PUS10: variants seen among roughly 807,000 people sequenced by gnomAD.
The protein encoded by PUS10 is pseudouridine synthase 10.
Under a neutral mutation model 75.0 loss-of-function variants are expected in PUS10, and 59 were observed. The ratio of observed to expected loss-of-function variants is 0.79; its 90% confidence interval spans 0.64 to 0.98. The LOEUF is 0.98. PUS10 is among the 50% of genes least tolerant of loss of function. The pLI is 0.00. For missense variants in PUS10, 650 were observed against 614.4 expected (o/e 1.06, Z -0.61); for synonymous variants, 219 against 211.6 (o/e 1.03, Z -0.30).
At chr2:61,008,294 C>A (rs1432988050) in intron 3 of PUS10, among the ~76,000 whole-genome samples, 1 of 152,110 alleles carries the variant, frequency 6.6e-6, no homozygotes. Flanking sequence ...GAGGCCAAGG[C>A]AGGCGAATCA....
chr2:60,985,665 T>C (rs1677675676), intron 4 of PUS10, among the ~76,000 whole-genome samples: 1 of 152,108 alleles, frequency 6.6e-6, no homozygotes, highest in Non-Finnish European at 1.5e-5. Context: ...CACAGCCAGC[T>C]AATTTTTGTA....
At chr2:60,963,986 T>C (rs745999812) in intron 8 of PUS10, among the ~76,000 whole-genome samples, 15 of 152,246 alleles carry the variant, frequency 9.9e-5, no homozygotes, top group Non-Finnish European at 1.8e-4. Context: ...GCTTCCCAAC[T>C]GGCATAGCAA....
At chr2:61,008,647 G>A in intron 3 of PUS10, 114 bp downstream of exon 3, 1 of 878,016 alleles carries the variant, frequency 1.1e-6, no homozygotes, top group Non-Finnish European at 1.7e-6. Context: ...GCAACAGAAT[G>A]AGACCCAAAA....
chr2:60,945,164 A>G, intron 16 of PUS10, 56 bp from the exon 17 acceptor site: 1 of 1,066,908 alleles, frequency 9.4e-7, no homozygotes, highest in South Asian at 1.3e-5. Flanking sequence ...CTATTTGGTA[A>G]GATTTGACAG....
chr2:60,943,481 A>C (rs1674742425), intron 17 of PUS10, among the ~76,000 whole-genome samples: 1 of 152,014 alleles, frequency 6.6e-6, no homozygotes, highest in Non-Finnish European at 1.5e-5. Flanking sequence ...TAAAAAAAAA[A>C]AAAAACCCAC....
intron 4 of PUS10, among the ~76,000 whole-genome samples, chr2:60,979,120 TACACATACACATACACA>T (rs1223144924): frequency 2.0e-5 from 1 of 50,704 alleles, no homozygotes; most frequent in Admixed American, 1.9e-4. Flanking sequence ...CACATACACA[TACACATACACATACACA>T]TACACATACA....
intron 4 of PUS10, among the ~76,000 whole-genome samples, chr2:60,993,460 AAAAAAAAG>A (rs1305219529): frequency 3.3e-5 from 5 of 152,102 alleles, no homozygotes; most frequent in Non-Finnish European, 5.9e-5. Context: ...CTGTCTCAAA[AAAAAAAAG>A]AAAAAAAGAA....
At chr2:60,970,015 C>T (rs1034150462) in intron 5 of PUS10, among the ~76,000 whole-genome samples, 1 of 152,026 alleles carries the variant, frequency 6.6e-6, no homozygotes, top group Non-Finnish European at 1.5e-5. Context: ...TCACTTGAAC[C>T]TGGGAGGCAG....
chr2:60,974,383 C>T (rs917485462), intron 4 of PUS10, among the ~76,000 whole-genome samples: 4 of 151,962 alleles, frequency 2.6e-5, no homozygotes, highest in African/African-American at 7.2e-5. Context: ...GCCCATAAAG[C>T]TCCTTTTCAT....
intron 4 of PUS10, among the ~76,000 whole-genome samples, chr2:60,989,839 G>A (rs1451566961): frequency 6.6e-6 from 1 of 151,988 alleles, no homozygotes; most frequent in African/African-American, 2.4e-5. Flanking sequence ...TGGCCAGGCT[G>A]GTCTCGAACT....
intron 4 of PUS10, among the ~76,000 whole-genome samples, chr2:60,995,452 T>C (rs1678391315): frequency 6.6e-6 from 1 of 152,210 alleles, no homozygotes; most frequent in African/African-American, 2.4e-5. Context: ...AAAACAATCA[T>C]ATCTTAGTAA....
At chr2:60,953,222 T>G (rs1675454518) in intron 14 of PUS10, 108 bp from the exon 15 acceptor site, 3 of 677,626 alleles carry the variant, frequency 4.4e-6, no homozygotes, top group Non-Finnish European at 7.9e-6. Context: ...TTTCCCAGTT[T>G]TAACTGTACA....
At position 60,998,518 on chromosome 2, in the gene PUS10, G is replaced by A. The variant is rs1470352298; in HGVS notation, c.468+8039C>T. Among the ~76,000 whole-genome samples, 5 of 151,944 alleles carry A rather than the reference G, an allele frequency of 3.3e-5. 1 individual carries two copies. Among genetic ancestry groups the A allele is most frequent in the African/African-American group, 1.2e-4 (5 of 41,340 alleles). On this transcript the variant is annotated intron_variant, in intron 4 of 17. Transcript: ENST00000316752. ...AGCCTGGCCAACATGGCGAAACCCC[G>A]TCTCTACTAAAAATACAAAAATTAG...
intron 4 of PUS10, among the ~76,000 whole-genome samples, chr2:61,004,246 A>C (rs1679050063): frequency 6.6e-6 from 1 of 152,228 alleles, no homozygotes; most frequent in Non-Finnish European, 1.5e-5. Context: ...GTAACAAATA[A>C]GTGGTTTAAA....
chr2:61,005,826 T>C (rs961208752), intron 4 of PUS10, among the ~76,000 whole-genome samples: 1 of 152,232 alleles, frequency 6.6e-6, no homozygotes, highest in Non-Finnish European at 1.5e-5. Flanking sequence ...TTGGAGCTAA[T>C]AAACATGCTC....
intron 7 of PUS10, 85 bp from the exon 8 acceptor site, chr2:60,965,188 C>A: frequency 7.4e-7 from 1 of 1,355,892 alleles, no homozygotes; most frequent in Non-Finnish European, 1.0e-6. Flanking sequence ...TACAAAATGG[C>A]TGCTAAACTC....
chr2:60,985,603 C>T (rs1167761511), intron 4 of PUS10, among the ~76,000 whole-genome samples: 2 of 152,106 alleles, frequency 1.3e-5, no homozygotes, highest in Middle Eastern at 3.4e-3. Context: ...TGGGTTCAAG[C>T]GATTCTAACA....
chr2:60,962,606 A>T (rs58980134), intron 9 of PUS10, among the ~76,000 whole-genome samples: 9,473 of 147,088 alleles, frequency 0.064, 472 homozygotes, highest in African/African-American at 0.13. Context: ...AGTATTTTTT[A>T]AAAAAAAAAG....
intron 1 of PUS10, among the ~76,000 whole-genome samples, chr2:61,014,541 A>G (rs1385812925): frequency 1.3e-5 from 2 of 152,228 alleles, no homozygotes; most frequent in Non-Finnish European, 2.9e-5. Context: ...GTCTCCTGTT[A>G]CCGGGAAGGA....
Sources: allele counts gnomAD v4.1 joint callset (sites outside exome capture counted in the v4.1 genomes callset), GRCh38; gene constraint gnomAD v4.1.1; transcripts MANE v1.5; gene names NCBI Gene and HGNC (gene_info 2026-07-23, HGNC 2026-07-21).